Variants in GPR176 observed in about 807,000 individuals in gnomAD.
GPR176 encodes the protein G-protein coupled receptor 176.
A neutral mutation model predicts 35.4 loss-of-function variants in GPR176; 26 were observed. That is an observed-to-expected ratio of 0.74 (90% CI 0.54 to 1.02). The LOEUF (loss-of-function observed/expected upper bound fraction) is 1.02, where lower values mean the gene tolerates loss of function less well. GPR176 is among the 50% of genes least tolerant of loss of function. The pLI, the probability that GPR176 is intolerant of heterozygous loss-of-function variation, is 0.00. For synonymous variants in GPR176, 278 were observed against 271.3 expected (o/e 1.02, Z -0.24); for missense variants, 597 against 665.3 (o/e 0.90, Z 1.13).
chr15:39,837,082 T>C (rs1901448039), intron 1 of GPR176, among the ~76,000 whole-genome samples: 2 of 152,270 alleles, frequency 1.3e-5, no homozygotes, highest in South Asian at 2.1e-4. Flanking sequence ...AGCTGAGTTA[T>C]CAGTCTAGGG....
intron 1 of GPR176, among the ~76,000 whole-genome samples, chr15:39,888,577 A>G (rs1273943553): frequency 6.6e-6 from 1 of 152,190 alleles, no homozygotes; most frequent in Non-Finnish European, 1.5e-5. Flanking sequence ...TACATGTTTG[A>G]GCCACCTTGC....
chr15:39,907,261 C>T lies in GPR176; in HGVS notation c.172+12594G>A, dbSNP rs149935935. On this transcript the variant is annotated intron_variant, in intron 1 of 2. Transcript: ENST00000561100. ...CTGCTTTGCTCCTCTCCACCTTTCACCTCTTGCTCGGTGCCTTCTGCCTTT... is the reference window on the plus strand; with the variant it reads ...CTGCTTTGCTCCTCTCCACCTTTCATCTCTTGCTCGGTGCCTTCTGCCTTT... 1.3e-3 allele frequency among the ~76,000 whole-genome samples: 202 copies of T among 152,340 alleles called. 1 individual carries two copies. Among genetic ancestry groups the T allele is most frequent in the African/African-American group, 4.6e-3 (192 of 41,578 alleles).
rs2033801936 is a variant in GPR176 at position 39,919,030 on chromosome 15, G to A, written c.172+825C>T. Among the ~76,000 whole-genome samples the A allele has an allele frequency of 2.0e-5, 3 of 152,196 alleles. 1 individual carries two copies. In the East Asian group the frequency reaches 5.8e-4, roughly 29 times the overall value. On this transcript the variant is annotated intron_variant, in intron 1 of 2. Transcript: ENST00000561100. Reference sequence around the variant, plus strand: ...GCAGTATGTTCAACAGACCTTAATAGAAATGAATATTGCTTGTATCATTTA... The same window carrying A: ...GCAGTATGTTCAACAGACCTTAATAAAAATGAATATTGCTTGTATCATTTA...
intron 1 of GPR176, among the ~76,000 whole-genome samples, chr15:39,904,808 G>A (rs1041461160): frequency 2.6e-5 from 4 of 152,196 alleles, no homozygotes; most frequent in Non-Finnish European, 4.4e-5. Context: ...ATGGGGTCAC[G>A]TCAGGGCTTG....
intron 2 of GPR176, 112 bp from the exon 3 acceptor site, chr15:39,802,366 C>T: frequency 1.2e-6 from 1 of 832,002 alleles, no homozygotes; most frequent in Non-Finnish European, 1.8e-6. Flanking sequence ...TTCTATTCGG[C>T]CTAAGACAGA....
At chr15:39,846,247 T>C (rs1030190002) in intron 1 of GPR176, among the ~76,000 whole-genome samples, 7 of 152,336 alleles carry the variant, frequency 4.6e-5, no homozygotes, top group African/African-American at 1.4e-4. Flanking sequence ...AAGAGAAGTC[T>C]AGCATGACTG....
intron 1 of GPR176, among the ~76,000 whole-genome samples, chr15:39,814,387 T>C (rs1003867294): frequency 6.6e-6 from 1 of 152,240 alleles, no homozygotes; most frequent in East Asian, 1.9e-4. Context: ...AATCATATCA[T>C]CCCCTCTTTT....
intron 1 of GPR176, among the ~76,000 whole-genome samples, chr15:39,911,374 C>G (rs542476011): frequency 5.9e-5 from 9 of 152,312 alleles, no homozygotes; most frequent in African/African-American, 1.9e-4. Context: ...GTGGCTTAAT[C>G]TGAAAGTTTT....
At chr15:39,894,563 G>T in intron 1 of GPR176, 1 of 182,640 alleles carries the variant, frequency 5.5e-6, no homozygotes, top group South Asian at 9.9e-5. Flanking sequence ...GGGCAGAGGT[G>T]CTCCTCACAT....
At chr15:39,823,872 A>T (rs1029546010) in intron 1 of GPR176, among the ~76,000 whole-genome samples, 2 of 152,174 alleles carry the variant, frequency 1.3e-5, no homozygotes, top group Admixed American at 1.3e-4. Context: ...TAGCAGCCCC[A>T]TGGGCCTTCA....
intron 1 of GPR176, among the ~76,000 whole-genome samples, chr15:39,854,747 G>C (rs813994): frequency 0.34 from 51,932 of 151,774 alleles, 9,525 homozygotes; most frequent in Non-Finnish European, 0.4. Flanking sequence ...CCACTCAGAA[G>C]TAAATCAAGC....
chr15:39,904,753 T>C (rs1054125017), intron 1 of GPR176, among the ~76,000 whole-genome samples: 19 of 152,190 alleles, frequency 1.2e-4, no homozygotes, highest in African/African-American at 4.3e-4. Context: ...AAAGAATGCA[T>C]GTGTCCTGTA....
rs1898724252 is a variant in GPR176 at position 39,799,434 on chromosome 15, G to A, written c.*1698C>T. On this transcript the variant is annotated 3_prime_UTR_variant, in exon 3 of 3. Coordinates refer to ENST00000561100, the MANE Select transcript of GPR176 (RefSeq NM_007223.3). ...TTCTGCTGTGAGCAAACAGTGCTATGAGGAGACCAACACAAAGAGGAAGGT... is the reference window on the plus strand; with the variant it reads ...TTCTGCTGTGAGCAAACAGTGCTATAAGGAGACCAACACAAAGAGGAAGGT... 1 of 152,282 alleles carries A rather than the reference G, an allele frequency of 6.6e-6. No homozygotes were observed. Among genetic ancestry groups the A allele is most frequent in the Non-Finnish European group, 1.5e-5 (1 of 68,084 alleles). The allele number at this position is 152,282 out of a possible 1,614,324, so 9.4% of individuals were successfully genotyped here. A position where few individuals can be genotyped will look rare whatever the true frequency, so the allele number is the denominator to read the frequency against.
At chr15:39,884,029 A>C (rs1325641965) in intron 1 of GPR176, among the ~76,000 whole-genome samples, 1 of 152,216 alleles carries the variant, frequency 6.6e-6, no homozygotes, top group Non-Finnish European at 1.5e-5. Flanking sequence ...TCTGCCCCAG[A>C]AGAGGAAAAA....
intron 1 of GPR176, among the ~76,000 whole-genome samples, chr15:39,877,610 G>A (rs1019485688): frequency 2.7e-5 from 4 of 149,966 alleles, no homozygotes; most frequent in Non-Finnish European, 5.9e-5. Context: ...TGCCTAGGCT[G>A]GAGTGCAATG....
At chr15:39,813,108 G>A (rs1376443009) in intron 1 of GPR176, 1 of 151,910 alleles carries the variant, frequency 6.6e-6, no homozygotes, top group Non-Finnish European at 1.5e-5. Context: ...TTACATTTTT[G>A]TTGTCATACA....
chr15:39,920,237 C>T lies in GPR176; in HGVS notation c.-211G>A, dbSNP rs1178423785. 1 of 398,700 alleles carries T rather than the reference C, an allele frequency of 2.5e-6. No individual in the cohort carries two copies. The highest frequency in any genetic ancestry group is 2.1e-5 in the African/African-American group (1 of 48,374). The allele number at this position is 398,700 out of a possible 1,614,324, so 24.7% of individuals were successfully genotyped here. On this transcript the variant is annotated 5_prime_UTR_variant, in exon 1 of 3. Coordinates refer to ENST00000561100, the MANE Select transcript of GPR176 (RefSeq NM_007223.3). ...GGCGCGGCTGCGCCCCATGCCCACT[C>T]CCTCCTGGATCCCAGTCAGCAGCCA...
chr15:39,800,087 T>G lies in GPR176; in HGVS notation c.*1045A>C, dbSNP rs1381521136. 1 of 152,264 alleles carries G rather than the reference T, an allele frequency of 6.6e-6. No individual in the cohort carries two copies. The highest frequency in any genetic ancestry group is 2.4e-5 in the African/African-American group (1 of 41,466). 9.4% of individuals were successfully genotyped at this position (152,264 alleles called of 1,614,324 possible). A position where few individuals can be genotyped will look rare whatever the true frequency, so the allele number is the denominator to read the frequency against. ...CATCTTTGTCAGATTCTTGCCAACC[T>G]TTTGGGCAGAGTCACCTTTCCAAAT... On this transcript the variant is annotated 3_prime_UTR_variant, in exon 3 of 3. Coordinates refer to ENST00000561100, the MANE Select transcript of GPR176 (RefSeq NM_007223.3).
intron 1 of GPR176, chr15:39,813,678 C>G (rs914667718): frequency 6.6e-6 from 1 of 151,850 alleles, no homozygotes; most frequent in Non-Finnish European, 1.5e-5. Flanking sequence ...ACGCACACAC[C>G]TTGGTTAGGA....
Sources: gnomAD v4.1 joint callset for allele counts (sites outside exome capture counted in the v4.1 genomes callset) on GRCh38, gnomAD v4.1.1 for gene constraint, MANE v1.5 for transcripts, NCBI Gene and HGNC (gene_info 2026-07-23, HGNC 2026-07-21) for gene names.